NTNG1: variants seen among roughly 807,000 people sequenced by gnomAD.
The protein encoded by NTNG1 is netrin G1, also known as netrin-G1.
In NTNG1, 16 loss-of-function variants were observed where a neutral mutation model predicts 54.0. That is an observed-to-expected ratio of 0.30 (90% CI 0.20 to 0.45). The LOEUF (loss-of-function observed/expected upper bound fraction) is 0.45. Ranked by LOEUF, NTNG1 falls within the 20% of genes least tolerant of loss-of-function variation. The probability of loss-of-function intolerance (pLI) is 1.00; values close to 1 mark genes in which losing one functional copy is unlikely to be tolerated. For missense variants in NTNG1, 530 were observed against 678.7 expected, an observed-to-expected ratio of 0.78 and a Z score of 2.43; for synonymous variants, 255 against 263.1, an observed-to-expected ratio of 0.97 and a Z score of 0.30.
chr1:107,340,207 G>C (rs1433878272), intron 3 of NTNG1, among the ~76,000 whole-genome samples: 2 of 151,978 alleles, frequency 1.3e-5, no homozygotes, highest in Non-Finnish European at 2.9e-5. Context: ...TTTAGTACCA[G>C]ATCTGTATAT....
At chr1:107,144,514 A>G (rs925066345) in intron 1 of NTNG1, among the ~76,000 whole-genome samples, 1 of 152,046 alleles carries the variant, frequency 6.6e-6, no homozygotes, top group African/African-American at 2.4e-5. Context: ...GAAACTGGCA[A>G]TTGCTTTTGG....
chr1:107,150,429 G>A (rs1654475787), intron 2 of NTNG1, among the ~76,000 whole-genome samples: 1 of 152,160 alleles, frequency 6.6e-6, no homozygotes, highest in Admixed American at 6.5e-5. Flanking sequence ...CTGTTTGGGT[G>A]ATAGGTTGTA....
intron 2 of NTNG1, among the ~76,000 whole-genome samples, chr1:107,234,135 G>A (rs1367725925): frequency 1.3e-5 from 2 of 151,992 alleles, no homozygotes; most frequent in Non-Finnish European, 2.9e-5. Context: ...TAAGAGAGGG[G>A]GATTTGAGAT....
chr1:107,443,804 T>C (rs958512102), intron 7 of NTNG1, among the ~76,000 whole-genome samples: 1 of 152,104 alleles, frequency 6.6e-6, no homozygotes, highest in Non-Finnish European at 1.5e-5. Flanking sequence ...TGAATCCAAG[T>C]TTTTAATTTC....
In NTNG1 at chr1:107,167,438, A is replaced by G. The variant is rs149699779; in HGVS notation, c.246+18599A>G. Reference sequence around the variant, plus strand: ...CTAAAGTTCAAGACCCATATTTATTATACTAATAACTTGTATAATTATTAG... The same window carrying G: ...CTAAAGTTCAAGACCCATATTTATTGTACTAATAACTTGTATAATTATTAG... On this transcript the variant is annotated intron_variant, in intron 2 of 7. Coordinates refer to ENST00000370068, the MANE Select transcript of NTNG1 (RefSeq NM_001113226.3). Among the ~76,000 whole-genome samples, 1,079 of 151,970 alleles carry G rather than the reference A, an allele frequency of 7.1e-3. 10 individuals are homozygous for G. The highest frequency in any genetic ancestry group is 0.025 in the African/African-American group (1,019 of 41,492).
intron 2 of NTNG1, among the ~76,000 whole-genome samples, chr1:107,272,170 AT>A (rs1288049241): frequency 1.6e-4 from 25 of 152,284 alleles, no homozygotes; most frequent in African/African-American, 5.5e-4. Context: ...GTTATCATCA[AT>A]AATAGTATTG....
intron 7 of NTNG1, among the ~76,000 whole-genome samples, chr1:107,466,556 G>A (rs946067184): frequency 1.3e-5 from 2 of 152,190 alleles, no homozygotes; most frequent in Non-Finnish European, 1.5e-5. Flanking sequence ...AGTGAAATGT[G>A]TTAGGACAAG....
intron 2 of NTNG1, among the ~76,000 whole-genome samples, chr1:107,235,137 G>A (rs1026643506): frequency 6.6e-6 from 1 of 152,148 alleles, no homozygotes; most frequent in Middle Eastern, 3.2e-3. Context: ...AATGACAATA[G>A]GGGAGCTCAA....
intron 3 of NTNG1, among the ~76,000 whole-genome samples, chr1:107,377,801 C>G (rs1671391028): frequency 6.6e-6 from 1 of 152,232 alleles, no homozygotes; most frequent in Non-Finnish European, 1.5e-5. Context: ...GATGTGCAAA[C>G]GAGGCATCAG....
intron 2 of NTNG1, among the ~76,000 whole-genome samples, chr1:107,236,067 T>C (rs1236811435): frequency 8.5e-5 from 13 of 152,256 alleles, no homozygotes; most frequent in Admixed American, 3.9e-4. Context: ...TACACATGTG[T>C]GCACACACAC....
At chr1:107,458,848 C>G (rs1016509555) in intron 7 of NTNG1, among the ~76,000 whole-genome samples, 1 of 152,036 alleles carries the variant, frequency 6.6e-6, no homozygotes, top group Non-Finnish European at 1.5e-5. Context: ...TATCTGGTGT[C>G]CTATTTGCTG....
rs199902525 is a variant in NTNG1, at chr1:107,430,886, T to C, written c.1224T>C (p.Ser408=). The stretch of plus-strand genomic sequence containing the variant: ...GGCTGGGCTACTTCAGAAATGCTTC[T>C]GCACAACTGGACGATGAGAATGTGT... The part of the protein sequence containing the change: ...LCRLGYFRNA[S]AQLDDENVCI... The change falls in exon 6 of 8, where the codon TCT becomes TCC. Residue 408 remains serine (S), a synonymous_variant. Transcript: ENST00000370068. The C allele has an allele frequency of 4.6e-4, 746 of 1,613,204 alleles. 4 individuals carry two copies. The Middle Eastern group carries it at 0.013, about 28-fold the overall frequency.
At chr1:107,189,455 G>T (rs1657733557) in intron 2 of NTNG1, among the ~76,000 whole-genome samples, 1 of 149,698 alleles carries the variant, frequency 6.7e-6, no homozygotes, top group African/African-American at 2.5e-5. Context: ...AACAACCAGT[G>T]GTCTTGAAAA....
At chr1:107,337,022 A>C (rs1668621671) in intron 3 of NTNG1, among the ~76,000 whole-genome samples, 1 of 151,998 alleles carries the variant, frequency 6.6e-6, no homozygotes, top group African/African-American at 2.4e-5. Context: ...ATACTAATGA[A>C]ATGGTACAGA....
intron 2 of NTNG1, among the ~76,000 whole-genome samples, chr1:107,243,129 C>T (rs1041434219): frequency 1.3e-5 from 2 of 152,024 alleles, no homozygotes. Context: ...TATTTTTTGC[C>T]CACATTTATA....
intron 3 of NTNG1, among the ~76,000 whole-genome samples, chr1:107,346,307 G>A (rs573972901): frequency 1.4e-4 from 22 of 152,272 alleles, no homozygotes; most frequent in East Asian, 1.9e-4. Flanking sequence ...CTGGCCAGAG[G>A]CAAAGTGGTG....
At chr1:107,263,908 T>C (rs1171274769) in intron 2 of NTNG1, among the ~76,000 whole-genome samples, 3 of 152,202 alleles carry the variant, frequency 2.0e-5, no homozygotes, top group Non-Finnish European at 2.9e-5. Context: ...CCCAAACACA[T>C]CTTGATGAAA....
At chr1:107,381,806 C>T (rs1240164090) in intron 3 of NTNG1, among the ~76,000 whole-genome samples, 4 of 152,220 alleles carry the variant, frequency 2.6e-5, no homozygotes, top group African/African-American at 9.6e-5. Context: ...GTCATCAGGA[C>T]ATTGACCCTG....
At chr1:107,208,306 T>C (rs1244000106) in intron 2 of NTNG1, among the ~76,000 whole-genome samples, 2 of 151,910 alleles carry the variant, frequency 1.3e-5, no homozygotes, top group African/African-American at 2.4e-5. Flanking sequence ...GGCGCAGGCC[T>C]GTAATCCCAG....
Sources: allele counts gnomAD v4.1 joint callset (sites outside exome capture counted in the v4.1 genomes callset), GRCh38; gene constraint gnomAD v4.1.1; transcripts MANE v1.5; gene names NCBI Gene and HGNC (gene_info 2026-07-23, HGNC 2026-07-21).